RNF220: variants seen among roughly 807,000 people sequenced by gnomAD.
RNF220 encodes ring finger protein 220.
A neutral mutation model predicts 67.1 loss-of-function variants in RNF220; 7 were observed. The ratio of observed to expected loss-of-function variants is 0.10; its 90% CI spans 0.06 to 0.20. RNF220 has a LOEUF of 0.20. Ranked by LOEUF, RNF220 falls within the 10% of genes least tolerant of loss-of-function variation. The pLI, the probability that RNF220 is intolerant of heterozygous loss-of-function variation, is 1.00. For missense variants in RNF220, 565 were observed against 740.3 expected (o/e 0.76, Z 2.75); for synonymous variants, 270 against 283.2 (o/e 0.95, Z 0.47).
chr1:44,576,815 G>A (rs753019629), intron 2 of RNF220, among the ~76,000 whole-genome samples: 11 of 152,164 alleles, frequency 7.2e-5, no homozygotes, highest in Non-Finnish European at 1.6e-4. Context: ...CTGACTGTGG[G>A]TCTGGTTGGG....
intron 2 of RNF220, among the ~76,000 whole-genome samples, chr1:44,429,976 A>G (rs2147862834): frequency 1.3e-5 from 2 of 152,308 alleles, no homozygotes; most frequent in Middle Eastern, 6.8e-3. Flanking sequence ...GAAATTGGTA[A>G]AATAAATAAT....
intron 2 of RNF220, among the ~76,000 whole-genome samples, chr1:44,499,575 A>G (rs1369488891): frequency 1.3e-5 from 2 of 152,048 alleles, no homozygotes; most frequent in African/African-American, 4.8e-5. Flanking sequence ...CCTTTCAGTG[A>G]TGCTAAACTT....
At chr1:44,497,040 C>T (rs1657403093) in intron 2 of RNF220, among the ~76,000 whole-genome samples, 1 of 152,068 alleles carries the variant, frequency 6.6e-6, no homozygotes, top group Non-Finnish European at 1.5e-5. Flanking sequence ...GTGACACTGG[C>T]CTAGGGATGG....
intron 5 of RNF220, among the ~76,000 whole-genome samples, chr1:44,631,528 T>C (rs1284640274): frequency 6.6e-6 from 1 of 152,242 alleles, no homozygotes; most frequent in Non-Finnish European, 1.5e-5. Flanking sequence ...GCAGTGCCTA[T>C]GGGAGCTCCA....
At chr1:44,617,416 C>T (rs1347921792) in intron 3 of RNF220, among the ~76,000 whole-genome samples, 5 of 152,240 alleles carry the variant, frequency 3.3e-5, no homozygotes, top group Admixed American at 6.5e-5. Flanking sequence ...CCGCCGCCCT[C>T]GTGATTTATC....
chr1:44,519,437 G>A (rs1013874684), intron 2 of RNF220, among the ~76,000 whole-genome samples: 3 of 152,164 alleles, frequency 2.0e-5, no homozygotes, highest in African/African-American at 4.8e-5. Flanking sequence ...CCTCAGAAGC[G>A]GAGGCTGCAA....
In RNF220 at chr1:44,528,450, G is replaced by A. The variant is rs562701598; in HGVS notation, c.626-85715G>A. Among the ~76,000 whole-genome samples the A allele has an allele frequency of 5.9e-5, 9 of 151,996 alleles. No individual in the cohort carries two copies. In the East Asian group the frequency reaches 9.7e-4, roughly 16 times the overall value. The stretch of plus-strand genomic sequence containing the variant: ...CCAGCAGCTGGGACTACAGGCACAC[G>A]CTGCCACACCTGGCTAATTTTTTGT... On this transcript the variant is annotated intron_variant, in intron 2 of 14. Transcript: ENST00000361799.
intron 2 of RNF220, among the ~76,000 whole-genome samples, chr1:44,502,217 GGCTCCTGGCTAAGGCT>G (rs1458653272): frequency 6.6e-6 from 1 of 151,604 alleles, no homozygotes; most frequent in Non-Finnish European, 1.5e-5. Context: ...CACTTTATGA[GGCTCCTGGCTAAGGCT>G]GCCGCATGAT....
chr1:44,446,773 G>A (rs561326754), intron 2 of RNF220, among the ~76,000 whole-genome samples: 15 of 152,208 alleles, frequency 9.9e-5, no homozygotes, highest in African/African-American at 3.6e-4. Flanking sequence ...TGGCCAGGCT[G>A]ATCTCAAACT....
intron 2 of RNF220, among the ~76,000 whole-genome samples, chr1:44,487,308 C>A (rs1656397162): frequency 6.6e-6 from 1 of 151,472 alleles, no homozygotes; most frequent in South Asian, 2.1e-4. Flanking sequence ...GCACTCCAGC[C>A]TGGGTGACAG....
chr1:44,520,584 G>A (rs1363362788), intron 2 of RNF220, among the ~76,000 whole-genome samples: 1 of 152,212 alleles, frequency 6.6e-6, no homozygotes, highest in Non-Finnish European at 1.5e-5. Context: ...TCTGCTCAAA[G>A]AGTCCTCCCT....
intron 5 of RNF220, among the ~76,000 whole-genome samples, chr1:44,629,101 C>T (rs892782193): frequency 6.6e-6 from 1 of 152,338 alleles, no homozygotes; most frequent in East Asian, 1.9e-4. Context: ...TGTCTTGGCT[C>T]TCTTCCATGT....
At chr1:44,523,209 C>T (rs769066134) in intron 2 of RNF220, among the ~76,000 whole-genome samples, 3 of 152,198 alleles carry the variant, frequency 2.0e-5, no homozygotes, top group Non-Finnish European at 2.9e-5. Context: ...GGGAAGTCAT[C>T]TGCACTGGGC....
chr1:44,454,917 G>A (rs566721362), intron 2 of RNF220, among the ~76,000 whole-genome samples: 66 of 152,070 alleles, frequency 4.3e-4, no homozygotes, highest in Non-Finnish European at 8.4e-4. Context: ...TGGATATACC[G>A]CCATTTGTTT....
intron 2 of RNF220, among the ~76,000 whole-genome samples, chr1:44,534,170 G>A (rs1661032708): frequency 6.6e-6 from 1 of 152,064 alleles, no homozygotes; most frequent in Admixed American, 6.5e-5. Flanking sequence ...CATGGAGGTT[G>A]GGTTTCGCTA....
rs1188091439 is a variant in RNF220 at position 44,565,401 on chromosome 1, G to T, written c.626-48764G>T. Among the ~76,000 whole-genome samples, 1 of 152,176 alleles carries T rather than the reference G, an allele frequency of 6.6e-6. No individual in the cohort carries two copies. The highest frequency in any genetic ancestry group is 6.5e-5 in the Admixed American group (1 of 15,290). On this transcript the variant is annotated intron_variant, in intron 2 of 14. Coordinates refer to ENST00000361799, the MANE Select transcript of RNF220 (RefSeq NM_018150.4). The surrounding 1 kb of genome is among the most constrained non-coding windows in gnomAD (Gnocchi z 4.2). Reference sequence around the variant, plus strand: ...TGGGTCGGGCAAGCACCTCAGCCAGGGAGTAATGGAGTTAGGGAGGAAGGG... The same window carrying T: ...TGGGTCGGGCAAGCACCTCAGCCAGTGAGTAATGGAGTTAGGGAGGAAGGG...
chr1:44,604,541 G>GC (rs1667140403), intron 2 of RNF220, among the ~76,000 whole-genome samples: 1 of 152,276 alleles, frequency 6.6e-6, no homozygotes, highest in Non-Finnish European at 1.5e-5. Context: ...TTTGGCCGGA[G>GC]CAAAGGCTCA....
intron 2 of RNF220, among the ~76,000 whole-genome samples, chr1:44,492,980 A>G (rs1399298278): frequency 6.6e-6 from 1 of 151,088 alleles, no homozygotes; most frequent in African/African-American, 2.4e-5. Flanking sequence ...CTGGATTCAC[A>G]CTCCTGGGCT....
rs1454743368 is a variant in RNF220, at chr1:44,432,191, T to C, written c.625+19469T>C. On this transcript the variant is annotated intron_variant, in intron 2 of 14. Transcript: ENST00000361799. ...TTTTTTTATTGTGATAAAGTATGCA[T>C]TGGGGAGGGGAACAGGATCCTGCTA... Among the ~76,000 whole-genome samples the C allele has an allele frequency of 4.6e-5, 7 of 152,188 alleles. 1 individual carries two copies. The South Asian group carries it at 1.0e-3, about 23-fold the overall frequency.
Sources: allele counts gnomAD v4.1 joint callset (sites outside exome capture counted in the v4.1 genomes callset), GRCh38; gene constraint gnomAD v4.1.1; non-coding constraint Gnocchi (gnomAD v3.1); transcripts MANE v1.5; gene names NCBI Gene and HGNC (gene_info 2026-07-23, HGNC 2026-07-21).